The following ST6GALNAC5 variants were observed in gnomAD, a reference collection of about 807,000 sequenced individuals.
ST6GALNAC5 encodes alpha-N-acetylgalactosaminide alpha-2,6-sialyltransferase 5.
Under a neutral mutation model 33.6 loss-of-function variants are expected in ST6GALNAC5, and 27 were observed. The observed-to-expected ratio is 0.80, with a 90% CI of 0.59 to 1.11. The LOEUF (loss-of-function observed/expected upper bound fraction) is 1.11. Ranked by LOEUF, ST6GALNAC5 falls within the 50% of genes least tolerant of loss-of-function variation. ST6GALNAC5 has a pLI of 0.00. For synonymous variants in ST6GALNAC5, 194 were observed against 171.2 expected, an observed-to-expected ratio of 1.13 and a Z score of -1.04; for missense variants, 428 against 454.0, an observed-to-expected ratio of 0.94 and a Z score of 0.52.
At chr1:76,919,805 C>T (rs755426918) in intron 2 of ST6GALNAC5, among the ~76,000 whole-genome samples, 12 of 152,050 alleles carry the variant, frequency 7.9e-5, no homozygotes, top group Non-Finnish European at 1.8e-4. Flanking sequence ...TTCCTTTGCC[C>T]TAAAATAACT....
chr1:76,944,878 A>G (rs1024390560), intron 2 of ST6GALNAC5, among the ~76,000 whole-genome samples: 16 of 150,422 alleles, frequency 1.1e-4, no homozygotes, highest in African/African-American at 3.0e-4. Context: ...CAACTGAGGG[A>G]AAAAAAAATG....
Position 77,065,000 on chromosome 1 carries a change from C to A in ST6GALNAC5, c.*1794C>A, listed in dbSNP as rs1254340247. ...GTGTATGGCTTGGGCTGTTCAAAGC[C>A]AGTAAGATTGAAATGGCCGTCCAAA... is the stretch of plus-strand genomic sequence containing the variant. On this transcript the variant is annotated 3_prime_UTR_variant, in exon 5 of 5. Coordinates refer to ENST00000477717, the MANE Select transcript of ST6GALNAC5 (RefSeq NM_030965.3). The A allele has an allele frequency of 1.3e-5, 2 of 152,124 alleles. No individual in the cohort carries two copies. Among genetic ancestry groups the A allele is most frequent in the Non-Finnish European group, 2.9e-5 (2 of 68,034 alleles). The allele number at this position is 152,124 out of a possible 1,614,324, so 9.4% of individuals were successfully genotyped here. A position where few individuals can be genotyped will look rare whatever the true frequency, so the allele number is the denominator to read the frequency against.
chr1:77,015,809 C>T (rs556493614), intron 2 of ST6GALNAC5, among the ~76,000 whole-genome samples: 2 of 152,048 alleles, frequency 1.3e-5, no homozygotes, highest in East Asian at 3.9e-4. Flanking sequence ...ATATACAAAG[C>T]CCCAGAGGCA....
rs373697686 is a variant in ST6GALNAC5, at chr1:77,044,306, C to T, written c.364C>T (p.Arg122Cys). ...GATTGACCAGACAGAGTGTGTCATC[C>T]GCATGAATGACGCCCCCACACGCGG... The part of the protein sequence containing the change: ...SQIDQTECVI[R>C]MNDAPTRGYG... Residue 122 changes from arginine (R) to cysteine (C), a missense_variant, in exon 3 of 5, where the codon CGC (arginine) becomes TGC (cysteine). Coordinates refer to ENST00000477717, the MANE Select transcript of ST6GALNAC5 (RefSeq NM_030965.3). 48 of 1,613,864 alleles carry T rather than the reference C, an allele frequency of 3.0e-5. No individual in the cohort carries two copies. Among genetic ancestry groups the T allele is most frequent in the Non-Finnish European group, 9.3e-6 (11 of 1,180,034 alleles).
At chr1:76,986,113 TA>T (rs1429615170) in intron 2 of ST6GALNAC5, among the ~76,000 whole-genome samples, 9 of 152,132 alleles carry the variant, frequency 5.9e-5, no homozygotes, top group African/African-American at 2.2e-4. Context: ...ACTTCATGAC[TA>T]AAACACCAAA....
intron 2 of ST6GALNAC5, among the ~76,000 whole-genome samples, chr1:76,983,379 A>G (rs1649339859): frequency 6.6e-6 from 1 of 152,190 alleles, no homozygotes; most frequent in Non-Finnish European, 1.5e-5. Context: ...CTCTGATAAA[A>G]CAGACTTTAA....
At chr1:76,946,293 C>T (rs1459571936) in intron 2 of ST6GALNAC5, among the ~76,000 whole-genome samples, 3 of 152,104 alleles carry the variant, frequency 2.0e-5, no homozygotes, top group Non-Finnish European at 4.4e-5. Flanking sequence ...TCACTCATTT[C>T]CTCCACCAGG....
chr1:77,049,746 G>A (rs1040247345), intron 3 of ST6GALNAC5, among the ~76,000 whole-genome samples: 4 of 152,168 alleles, frequency 2.6e-5, no homozygotes, highest in Admixed American at 2.6e-4. Context: ...CAAGATGTTG[G>A]TGTTAGTCTA....
intron 3 of ST6GALNAC5, among the ~76,000 whole-genome samples, chr1:77,049,029 A>G (rs1334315698): frequency 6.6e-6 from 1 of 152,212 alleles, no homozygotes; most frequent in Non-Finnish European, 1.5e-5. Context: ...GGAATGAATG[A>G]GCAAAGGGCT....
chr1:76,921,035 G>A (rs1179174259), intron 2 of ST6GALNAC5, among the ~76,000 whole-genome samples: 1 of 152,126 alleles, frequency 6.6e-6, no homozygotes, highest in African/African-American at 2.4e-5. Context: ...TTTGGTGAAG[G>A]AAAGCAATAA....
intron 2 of ST6GALNAC5, among the ~76,000 whole-genome samples, chr1:76,872,947 G>GT (rs1233679438): frequency 2.0e-5 from 3 of 152,150 alleles, no homozygotes; most frequent in African/African-American, 4.8e-5. Context: ...CAGGATAAAT[G>GT]TTTTTTATAA....
chr1:76,899,416 A>G (rs975395331), intron 2 of ST6GALNAC5, among the ~76,000 whole-genome samples: 4 of 152,044 alleles, frequency 2.6e-5, no homozygotes, highest in African/African-American at 4.8e-5. Context: ...GCATGGAAAT[A>G]AGGGATCGGG....
At chr1:77,023,231 G>A (rs917975527) in intron 2 of ST6GALNAC5, among the ~76,000 whole-genome samples, 6 of 152,146 alleles carry the variant, frequency 3.9e-5, no homozygotes, top group Admixed American at 2.0e-4. Context: ...TTTAAGCCAC[G>A]CAACCAGTGG....
At chr1:77,007,387 A>G (rs1404868681) in intron 2 of ST6GALNAC5, among the ~76,000 whole-genome samples, 1 of 152,210 alleles carries the variant, frequency 6.6e-6, no homozygotes, top group African/African-American at 2.4e-5. Flanking sequence ...ACTTATTGTG[A>G]ATCTACTCAT....
chr1:76,964,366 C>T (rs147208793), intron 2 of ST6GALNAC5, among the ~76,000 whole-genome samples: 1,863 of 152,188 alleles, frequency 0.012, 11 homozygotes, highest in Middle Eastern at 0.02. Context: ...AGTGATATTT[C>T]GTGGCTCAAA....
At chr1:77,043,645 G>C (rs1482455009) in intron 2 of ST6GALNAC5, among the ~76,000 whole-genome samples, 4 of 152,044 alleles carry the variant, frequency 2.6e-5, no homozygotes, top group African/African-American at 9.7e-5. Flanking sequence ...ATGTGTATTT[G>C]GTACAAACAT....
chr1:76,910,928 G>C (rs76589454), intron 2 of ST6GALNAC5, among the ~76,000 whole-genome samples: 2,256 of 151,696 alleles, frequency 0.015, 58 homozygotes, highest in African/African-American at 0.051. Context: ...TGCAATTGTA[G>C]ATGATAAAAA....
intron 2 of ST6GALNAC5, among the ~76,000 whole-genome samples, chr1:76,985,706 C>T (rs1322291872): frequency 2.6e-5 from 4 of 152,140 alleles, no homozygotes; most frequent in African/African-American, 7.2e-5. Context: ...CAAGTAAATC[C>T]TAAGCAAAAA....
intron 2 of ST6GALNAC5, among the ~76,000 whole-genome samples, chr1:77,006,382 C>T (rs1303586096): frequency 3.6e-5 from 5 of 138,534 alleles, no homozygotes; most frequent in African/African-American, 1.4e-4. Flanking sequence ...GGTGTGATCT[C>T]GGCTCACTGC....
Sources: gnomAD v4.1 joint callset for allele counts (sites outside exome capture counted in the v4.1 genomes callset) on GRCh38, gnomAD v4.1.1 for gene constraint, MANE v1.5 for transcripts, NCBI Gene and HGNC (gene_info 2026-07-23, HGNC 2026-07-21) for gene names.